The following MAP7D2 variants were observed in gnomAD, a reference collection of about 807,000 sequenced individuals.
The protein encoded by MAP7D2 is MAP7 domain-containing protein 2.
MAP7D2 carries 33 observed loss-of-function variants against 63.5 expected under a neutral mutation model. That is an observed-to-expected ratio of 0.52 (90% CI 0.39 to 0.70). The LOEUF (loss-of-function observed/expected upper bound fraction) is 0.70, where lower values mean the gene tolerates loss of function less well. Ranked by LOEUF, MAP7D2 falls within the 30% of genes least tolerant of loss-of-function variation. MAP7D2 has a pLI of 0.00. For synonymous variants in MAP7D2, 224 were observed against 223.7 expected, an observed-to-expected ratio of 1.00 and a Z score of -0.01; for missense variants, 626 against 604.0, an observed-to-expected ratio of 1.04 and a Z score of -0.38.
chrX:20,101,295 C>A lies in MAP7D2; in HGVS notation c.130+15455G>T, dbSNP rs184437712. Among the ~76,000 whole-genome samples the A allele has an allele frequency of 4.2e-3, 477 of 112,322 alleles. 3 individuals carry two copies. The highest frequency in any genetic ancestry group is 0.014 in the African/African-American group (444 of 30,969). On this transcript the variant is annotated intron_variant, in intron 1 of 16. Coordinates refer to ENST00000379643, the MANE Select transcript of MAP7D2 (RefSeq NM_001168465.2). ...ATGCCTATCCTATCACAGAATGGAACCTGTGTTTTGATTTACCATGTTGGA... is the reference window on the plus strand; with the variant it reads ...ATGCCTATCCTATCACAGAATGGAAACTGTGTTTTGATTTACCATGTTGGA...
chrX:20,038,141 T>C (rs2064548489), intron 8 of MAP7D2, among the ~76,000 whole-genome samples: 1 of 111,880 alleles, frequency 8.9e-6, no homozygotes, highest in African/African-American at 3.3e-5. Context: ...GCAGGTTGAT[T>C]ATACTGGACC....
At chrX:20,024,341 T>C (rs772453906) in intron 10 of MAP7D2, among the ~76,000 whole-genome samples, 1 of 112,000 alleles carries the variant, frequency 8.9e-6, no homozygotes, top group South Asian at 3.7e-4. Context: ...TTTTACTGCA[T>C]TCCCCGGATG....
intron 10 of MAP7D2, among the ~76,000 whole-genome samples, chrX:20,019,977 G>A (rs1030710679): frequency 8.9e-6 from 1 of 111,778 alleles, no homozygotes; most frequent in African/African-American, 3.3e-5. Context: ...ATTGCATTCC[G>A]GCCTTTTAAT....
At chrX:20,043,767 A>G (rs945909363) in intron 7 of MAP7D2, among the ~76,000 whole-genome samples, 4 of 112,361 alleles carry the variant, frequency 3.6e-5, no homozygotes, top group African/African-American at 1.3e-4. Context: ...GCACTGTGTA[A>G]TTTCTAAATA....
chrX:20,027,701 AAGAGAGGG>A (rs1435959670), intron 8 of MAP7D2, among the ~76,000 whole-genome samples: 25 of 96,823 alleles, frequency 2.6e-4, no homozygotes, highest in Admixed American at 9.3e-4. Flanking sequence ...GGGAGAGAGA[AAGAGAGGG>A]AGAGAGGGAG....
intron 1 of MAP7D2, among the ~76,000 whole-genome samples, chrX:20,077,546 C>T (rs1209341831): frequency 8.9e-6 from 1 of 112,270 alleles, no homozygotes; most frequent in South Asian, 3.7e-4. Flanking sequence ...AAGAGTAGAA[C>T]CTATCATAGA....
intron 10 of MAP7D2, among the ~76,000 whole-genome samples, chrX:20,024,740 C>A (rs1395270141): frequency 8.9e-6 from 1 of 111,947 alleles, no homozygotes; most frequent in Non-Finnish European, 1.9e-5. Flanking sequence ...TTTCCAGGTC[C>A]TCCGAAAAGA....
chrX:20,058,587 T>C (rs1161000411), intron 3 of MAP7D2, among the ~76,000 whole-genome samples: 1 of 111,705 alleles, frequency 9.0e-6, no homozygotes, highest in Non-Finnish European at 1.9e-5. Flanking sequence ...TTCAATGGCC[T>C]CTAGAAAAAC....
chrX:20,074,779 G>A (rs1263145919), intron 1 of MAP7D2, among the ~76,000 whole-genome samples: 1 of 111,695 alleles, frequency 9.0e-6, no homozygotes, highest in Non-Finnish European at 1.9e-5. Context: ...GGCCAGGCGC[G>A]GTGGTTTACT....
chrX:20,065,193 G>A (rs2065321547), intron 1 of MAP7D2, among the ~76,000 whole-genome samples: 1 of 111,511 alleles, frequency 9.0e-6, no homozygotes, highest in African/African-American at 3.3e-5. Context: ...AGGACCACCT[G>A]GGGGAGAGGA....
At chrX:20,019,714 T>C (rs1265407205) in intron 10 of MAP7D2, among the ~76,000 whole-genome samples, 9 of 112,287 alleles carry the variant, frequency 8.0e-5, no homozygotes, top group African/African-American at 2.6e-4. Flanking sequence ...TTTGATCTGA[T>C]CACACCCCAT....
intron 1 of MAP7D2, among the ~76,000 whole-genome samples, chrX:20,087,695 T>C (rs745946234): frequency 8.2e-4 from 91 of 111,494 alleles, no homozygotes; most frequent in African/African-American, 2.8e-3. Context: ...AATTACAGTA[T>C]TTCAGACACA....
intron 1 of MAP7D2, among the ~76,000 whole-genome samples, chrX:20,080,191 C>A (rs1438557772): frequency 9.0e-6 from 1 of 110,659 alleles, no homozygotes; most frequent in Non-Finnish European, 1.9e-5. Flanking sequence ...GAAACCTATA[C>A]AGCTAAGCTC....
chrX:20,106,859 T>C (rs760004653), intron 1 of MAP7D2, among the ~76,000 whole-genome samples: 30 of 110,945 alleles, frequency 2.7e-4, no homozygotes, highest in African/African-American at 7.5e-4. Flanking sequence ...GGCACTCACC[T>C]GTGGTCCTGG....
chrX:20,054,439 C>T (rs903103404), intron 4 of MAP7D2, among the ~76,000 whole-genome samples: 1 of 111,613 alleles, frequency 9.0e-6, no homozygotes, highest in Non-Finnish European at 1.9e-5. Flanking sequence ...AAAAATATCA[C>T]ATTAAGATAT....
Position 20,025,741 on chromosome X carries a change from C to T in MAP7D2, c.1219G>A (p.Asp407Asn), listed in dbSNP as rs764406544. ...GEEALEKHVV[D>N]KHASEKHAAA... ...GCATGCTTCTCGCTGGCATGCTTGT[C>T]CACTACATGCTTCTCTAGGGCTTCC... Residue 407 changes from aspartate (D) to asparagine (N), a missense_variant, in exon 9 of 17, where the codon GAC becomes AAC. Asp to Asn is a conservative substitution (Grantham distance 23, BLOSUM62 1). Transcript: ENST00000379643. The T allele has an allele frequency of 2.5e-6, 3 of 1,210,143 alleles. No homozygotes were observed. The highest frequency in any genetic ancestry group is 2.2e-6 in the Non-Finnish European group (2 of 895,211).
intron 8 of MAP7D2, among the ~76,000 whole-genome samples, chrX:20,040,732 C>T (rs1295075037): frequency 9.0e-6 from 1 of 111,116 alleles, no homozygotes; most frequent in East Asian, 2.8e-4. Flanking sequence ...ATTCATGGCA[C>T]CCCAAAACAA....
chrX:20,024,928 C>T (rs932928292), intron 10 of MAP7D2, 23 bp downstream of exon 10: 8 of 1,203,945 alleles, frequency 6.6e-6, no homozygotes, highest in Non-Finnish European at 9.0e-6. Context: ...GAGATCACAC[C>T]GAAATTCTGA....
intron 10 of MAP7D2, among the ~76,000 whole-genome samples, chrX:20,022,736 A>T (rs2073699385): frequency 8.9e-6 from 1 of 112,189 alleles, no homozygotes. Flanking sequence ...GGGAAAAAAT[A>T]CTAAGTTCTG....
Sources: allele counts gnomAD v4.1 joint callset (sites outside exome capture counted in the v4.1 genomes callset), GRCh38; gene constraint gnomAD v4.1.1; transcripts MANE v1.5; gene names NCBI Gene and HGNC (gene_info 2026-07-23, HGNC 2026-07-21).